DNAAF5: variants seen among roughly 807,000 people sequenced by gnomAD.
DNAAF5 encodes the protein HEAT repeat containing 2.
DNAAF5 carries 64 observed loss-of-function variants against 75.8 expected under a neutral mutation model. The ratio of observed to expected loss-of-function variants is 0.84; its 90% CI spans 0.69 to 1.04. The LOEUF (loss-of-function observed/expected upper bound fraction) is 1.04. DNAAF5 is among the 50% of genes least tolerant of loss of function. The pLI is 0.00. For synonymous variants in DNAAF5, 657 were observed against 557.2 expected (o/e 1.18, Z -2.52); for missense variants, 1,269 against 1,178.5 (o/e 1.08, Z -1.12).
At chr7:745,110 G>C (rs1360385184) in intron 4 of DNAAF5, among the ~76,000 whole-genome samples, 1 of 152,190 alleles carries the variant, frequency 6.6e-6, no homozygotes, top group African/African-American at 2.4e-5. Flanking sequence ...TTTGCTCCTG[G>C]TGATTTCAGC....
intron 2 of DNAAF5, among the ~76,000 whole-genome samples, chr7:731,251 G>A (rs760892603): frequency 1.3e-5 from 2 of 152,092 alleles, no homozygotes; most frequent in Non-Finnish European, 2.9e-5. Context: ...GATAGCTGTC[G>A]GTGTAAGCCT....
At chr7:769,268 C>T in intron 8 of DNAAF5, 2 of 716,794 alleles carry the variant, frequency 2.8e-6, no homozygotes, top group Non-Finnish European at 5.2e-6. Flanking sequence ...GGGGCCAGAG[C>T]GCCTCCTTCT....
intron 12 of DNAAF5, among the ~76,000 whole-genome samples, chr7:785,195 G>T (rs907340588): frequency 1.3e-5 from 2 of 152,108 alleles, no homozygotes; most frequent in African/African-American, 2.4e-5. Flanking sequence ...GCAGGATCAG[G>T]TCATTCGTAT....
intron 7 of DNAAF5, among the ~76,000 whole-genome samples, chr7:763,222 A>C (rs1446976947): frequency 6.6e-6 from 1 of 152,080 alleles, no homozygotes; most frequent in African/African-American, 2.4e-5. Context: ...AGCAAAAGCA[A>C]AGTCTTTGCC....
chr7:780,878 CTTT>C (rs1168547134), intron 12 of DNAAF5, among the ~76,000 whole-genome samples: 1 of 90,380 alleles, frequency 1.1e-5, no homozygotes, highest in Non-Finnish European at 2.3e-5. Context: ...TGACGTTGTT[CTTT>C]TTTTTAATAA....
chr7:743,216 A>T (rs767661459), intron 4 of DNAAF5, among the ~76,000 whole-genome samples: 5 of 152,188 alleles, frequency 3.3e-5, no homozygotes, highest in Admixed American at 6.5e-5. Context: ...TTTTAACAAA[A>T]ACAAAACAAA....
intron 2 of DNAAF5, among the ~76,000 whole-genome samples, chr7:734,033 G>A (rs1440862377): frequency 6.6e-6 from 1 of 152,154 alleles, no homozygotes; most frequent in African/African-American, 2.4e-5. Context: ...TTTTCCAAAT[G>A]TAAGATTATA....
At position 753,780 on chromosome 7, in the gene DNAAF5, CTCTCA is replaced by C. The variant is rs1362186928; in HGVS notation, c.1025-806_1025-802del. Reference sequence around the variant, plus strand: ...TGGCGACGGCTTCGCAGGCGTGTCTCTCTCATCATATGGCGATGGCTTCGCAGGCG... The same window carrying C: ...TGGCGACGGCTTCGCAGGCGTGTCTCTCATATGGCGATGGCTTCGCAGGCG... On this transcript the variant is annotated intron_variant, in intron 4 of 12. Transcript: ENST00000297440. 4.2e-3 allele frequency among the ~76,000 whole-genome samples: 588 copies of C among 139,080 alleles called. 12 individuals carry two copies. The highest frequency in any genetic ancestry group is 0.016 in the African/African-American group (557 of 35,016). The allele number at this position is 139,080 out of a possible 152,430, so 91.2% of individuals were successfully genotyped here. A position where few individuals can be genotyped will look rare whatever the true frequency, so the allele number is the denominator to read the frequency against.
chr7:742,261 C>T (rs953383278), intron 4 of DNAAF5, among the ~76,000 whole-genome samples: 1 of 152,188 alleles, frequency 6.6e-6, no homozygotes. Flanking sequence ...TACGCACTGA[C>T]GAGGACAAAA....
chr7:774,119 G>A lies in DNAAF5; in HGVS notation c.2003G>A (p.Arg668Lys), dbSNP rs555500022. The change falls in exon 10 of 13, where the codon AGG becomes AAG. Residue 668 changes from arginine to lysine, a missense_variant. Physicochemically the swap from Arg to Lys is conservative, Grantham distance 26. Transcript: ENST00000297440. ...LAPNLQWHAGRTAAAIRTAAV... is the reference protein window; with the variant it reads ...LAPNLQWHAGKTAAAIRTAAV... ...CCCAATCTGCAGTGGCATGCGGGGA[G>A]GACAGCCGCGGCCATCCGCACGGCT... is the stretch of plus-strand genomic sequence containing the variant. 2.4e-5 allele frequency: 38 copies of A among 1,613,248 alleles called. No individual in the cohort carries two copies. In the South Asian group the frequency reaches 3.4e-4, roughly 14 times the overall value.
chr7:730,727 C>G (rs1476508576), intron 2 of DNAAF5, among the ~76,000 whole-genome samples: 2 of 152,220 alleles, frequency 1.3e-5, no homozygotes, highest in African/African-American at 4.8e-5. Flanking sequence ...TTCTCCGGCT[C>G]TCTCCCTCCA....
chr7:776,860 A>G (rs4301349), intron 11 of DNAAF5, among the ~76,000 whole-genome samples: 97,911 of 152,034 alleles, frequency 0.64, 31,825 homozygotes, highest in African/African-American at 0.7. Context: ...AGAGGTGGGC[A>G]AGCGAAACTT....
chr7:726,706 G>C lies in DNAAF5; in HGVS notation c.-15G>C, dbSNP rs1342194291. The stretch of plus-strand genomic sequence containing the variant: ...GAAAGCGCTGTTCCCCTTAGTGACC[G>C]GCGACGCGGGCAAGATGGCGGCGCT... On this transcript the variant is annotated 5_prime_UTR_variant, in exon 1 of 13. Transcript: ENST00000297440. 4 of 1,237,148 alleles carry C rather than the reference G, an allele frequency of 3.2e-6. No individual in the cohort carries two copies. The highest frequency in any genetic ancestry group is 4.0e-6 in the Non-Finnish European group (4 of 990,810). The allele number at this position is 1,237,148 out of a possible 1,614,324, so 76.6% of individuals were successfully genotyped here.
intron 2 of DNAAF5, among the ~76,000 whole-genome samples, chr7:737,165 A>G (rs369745439): frequency 6.6e-6 from 1 of 151,924 alleles, no homozygotes; most frequent in Non-Finnish European, 1.5e-5. Context: ...GCGCCATCTC[A>G]GCTCACTGCA....
rs1445616052 is a variant in DNAAF5, at chr7:740,900, C to T, written c.862C>T (p.Pro288Ser). The T allele has an allele frequency of 6.2e-7, 1 of 1,614,014 alleles. No individual in the cohort carries two copies. ...DRYSFFHKLI[P>S]LLLSSLNDEV... ...TTACTCCTTCTTCCACAAGCTCATC[C>T]CTCTGCTGCTCAGTAGCCTCAACGA... is the stretch of plus-strand genomic sequence containing the variant. Residue 288 changes from proline to serine, a missense_variant, in exon 3 of 13, where the codon CCT (proline) becomes TCT (serine). Physicochemically the swap from Pro to Ser is moderately conservative, Grantham distance 74 (BLOSUM62 -1). Transcript: ENST00000297440.
At chr7:748,446 C>T (rs1782186997) in intron 4 of DNAAF5, among the ~76,000 whole-genome samples, 1 of 152,244 alleles carries the variant, frequency 6.6e-6, no homozygotes. Context: ...CCATTCAGAA[C>T]TGCCATCCAT....
In DNAAF5 at chr7:752,124, G is replaced by A. The variant is rs369626317; in HGVS notation, c.1025-2465G>A. Among the ~76,000 whole-genome samples, 12 of 152,238 alleles carry A rather than the reference G, an allele frequency of 7.9e-5. No homozygotes were observed. The East Asian group carries it at 1.7e-3, about 22-fold the overall frequency. On this transcript the variant is annotated intron_variant, in intron 4 of 12. Transcript: ENST00000297440. ...CGTCCAGAAACAGGCGCCCGCACGC[G>A]GACCACTGACTTGATGAAGGCTCAA...
Position 756,871 on chromosome 7 carries a change from T to C in DNAAF5, c.1347T>C (p.Ser449=), listed in dbSNP as rs757586624. 2 of 1,613,832 alleles carry C rather than the reference T, an allele frequency of 1.2e-6. No homozygotes were observed. Among genetic ancestry groups the C allele is most frequent in the Non-Finnish European group, 1.7e-6 (2 of 1,180,016 alleles). ...TATCGACGCTGAAGAAGACGCCCTC[T>C]GCCTCCGGCCTCCTGGTGCTGGCCT... ...LILSTLKKTP[S]ASGLLVLASA... The change falls in exon 6 of 13, where the codon TCT becomes TCC. Residue 449 remains serine (S), a synonymous_variant. Transcript: ENST00000297440.
chr7:734,408 G>C (rs1050056854), intron 2 of DNAAF5, among the ~76,000 whole-genome samples: 1 of 152,206 alleles, frequency 6.6e-6, no homozygotes, highest in African/African-American at 2.4e-5. Context: ...TGATGGATTT[G>C]TGTATGTTGA....
Sources: gnomAD v4.1 joint callset for allele counts (sites outside exome capture counted in the v4.1 genomes callset) on GRCh38, gnomAD v4.1.1 for gene constraint, MANE v1.5 for transcripts, NCBI Gene and HGNC (gene_info 2026-07-23, HGNC 2026-07-21) for gene names.